The following USP47 variants were observed in gnomAD, a reference collection of about 807,000 sequenced individuals.
USP47 encodes ubiquitin specific peptidase 47, also known as ubiquitin carboxyl-terminal hydrolase 47.
USP47 carries 35 observed loss-of-function variants against 165.1 expected under a neutral mutation model. The ratio of observed to expected loss-of-function variants is 0.21; its 90% confidence interval spans 0.16 to 0.28. USP47 has a LOEUF of 0.28. Ranked by LOEUF, USP47 falls within the 10% of genes least tolerant of loss-of-function variation. The probability of loss-of-function intolerance (pLI) is 1.00; values close to 1 mark genes in which losing one functional copy is unlikely to be tolerated. For missense variants in USP47, 1,277 were observed against 1,607.4 expected, an observed-to-expected ratio of 0.79 and a Z score of 3.52; for synonymous variants, 531 against 544.5, an observed-to-expected ratio of 0.98 and a Z score of 0.35.
At chr11:11,950,571 C>T (rs1319932530) in intron 24 of USP47, 89 bp downstream of exon 24, 30 of 891,216 alleles carry the variant, frequency 3.4e-5, no homozygotes, top group East Asian at 5.0e-5. Context: ...TAATGAGTTA[C>T]GAGGAATCTA....
chr11:11,946,133 T>C (rs1855822516), intron 20 of USP47, among the ~76,000 whole-genome samples: 2 of 152,284 alleles, frequency 1.3e-5, no homozygotes, highest in South Asian at 4.1e-4. Flanking sequence ...GCCAATAAAT[T>C]AACACTCTTT....
chr11:11,842,294 G>C (rs918137547), intron 1 of USP47, 70 bp downstream of exon 1: 2 of 1,510,796 alleles, frequency 1.3e-6, no homozygotes, highest in Admixed American at 2.1e-5. Flanking sequence ...CCGGGCCGGG[G>C]TTCGGCTGCG....
intron 19 of USP47, 84 bp from the exon 20 acceptor site, chr11:11,942,251 G>A (rs1855526514): frequency 1.4e-6 from 2 of 1,381,768 alleles, no homozygotes; most frequent in Non-Finnish European, 2.0e-6. Flanking sequence ...TGTGTATTGT[G>A]TTGTATTGAT....
At chr11:11,938,579 T>C (rs1005500512) in intron 18 of USP47, among the ~76,000 whole-genome samples, 12 of 152,080 alleles carry the variant, frequency 7.9e-5, no homozygotes, top group African/African-American at 2.7e-4. Context: ...ACAACTTATA[T>C]GTGTTGGCTG....
chr11:11,929,295 A>T, intron 11 of USP47, 139 bp from the exon 12 acceptor site: 2 of 1,207,236 alleles, frequency 1.7e-6, no homozygotes, highest in Non-Finnish European at 2.2e-6. Flanking sequence ...TTTTTGTTTT[A>T]CCTTAGGGGA....
At chr11:11,930,204 C>G in intron 13 of USP47, 84 bp downstream of exon 13, 1 of 1,302,912 alleles carries the variant, frequency 7.7e-7, no homozygotes, top group East Asian at 2.4e-5. Context: ...AAGATTTAAC[C>G]AAGGGATTGA....
At chr11:11,937,986 G>A (rs1274762688) in intron 17 of USP47, among the ~76,000 whole-genome samples, 12 of 151,878 alleles carry the variant, frequency 7.9e-5, no homozygotes, top group Admixed American at 7.9e-4. Flanking sequence ...ATTTTCCTTG[G>A]GATATAGGAA....
intron 20 of USP47, among the ~76,000 whole-genome samples, chr11:11,946,911 A>G (rs990296359): frequency 6.6e-6 from 1 of 152,190 alleles, no homozygotes; most frequent in African/African-American, 2.4e-5. Flanking sequence ...TTTATTTGAC[A>G]AGTCATCTGA....
At chr11:11,891,700 A>G (rs1228826123) in intron 3 of USP47, among the ~76,000 whole-genome samples, 5 of 152,234 alleles carry the variant, frequency 3.3e-5, no homozygotes, top group Non-Finnish European at 5.9e-5. Flanking sequence ...TGCTAGGCCT[A>G]CGTGGCCAGG....
At chr11:11,881,008 T>C (rs909462922) in intron 2 of USP47, among the ~76,000 whole-genome samples, 1 of 152,156 alleles carries the variant, frequency 6.6e-6, no homozygotes, top group African/African-American at 2.4e-5. Flanking sequence ...ATTTTAGTCG[T>C]CTGTTAACTG....
chr11:11,897,487 G>C (rs991024321), intron 4 of USP47, 110 bp from the exon 5 acceptor site: 3 of 758,222 alleles, frequency 4.0e-6, no homozygotes, highest in Non-Finnish European at 6.3e-6. Flanking sequence ...ATTTCCAAAT[G>C]AGTAGTAACT....
chr11:11,915,514 G>A (rs116336048), intron 8 of USP47, among the ~76,000 whole-genome samples: 241 of 152,196 alleles, frequency 1.6e-3, no homozygotes, highest in Middle Eastern at 0.014. Flanking sequence ...ACTAAAGCTG[G>A]GAAAATCTGA....
chr11:11,909,455 TTTG>T (rs1238732344), intron 8 of USP47, among the ~76,000 whole-genome samples: 1 of 152,168 alleles, frequency 6.6e-6, no homozygotes, highest in Admixed American at 6.5e-5. Context: ...TAACTTTTTG[TTTG>T]TTAATTATGA....
intron 1 of USP47, among the ~76,000 whole-genome samples, chr11:11,867,458 A>G (rs1849756559): frequency 6.6e-6 from 1 of 152,144 alleles, no homozygotes; most frequent in Non-Finnish European, 1.5e-5. Flanking sequence ...TCTCTTATAT[A>G]GAGTTCATTA....
chr11:11,956,398 G>A lies in USP47; in HGVS notation c.*223G>A. On this transcript the variant is annotated 3_prime_UTR_variant, in exon 28 of 28. Transcript: ENST00000527733. Reference sequence around the variant, plus strand: ...GTCAAATGTACTGTAAAGTGAAAAGGGATGTGCAAAAAAATAAAAAAAAAC... The same window carrying A: ...GTCAAATGTACTGTAAAGTGAAAAGAGATGTGCAAAAAAATAAAAAAAAAC... 1 of 377,584 alleles carries A rather than the reference G, an allele frequency of 2.6e-6. No homozygotes were observed. Among genetic ancestry groups the A allele is most frequent in the South Asian group, 1.1e-4 (1 of 8,910 alleles). The allele number at this position is 377,584 out of a possible 1,614,324, so 23.4% of individuals were successfully genotyped here. A position where few individuals can be genotyped will look rare whatever the true frequency, so the allele number is the denominator to read the frequency against.
At chr11:11,916,820 A>G (rs1853454174) in intron 8 of USP47, among the ~76,000 whole-genome samples, 1 of 152,150 alleles carries the variant, frequency 6.6e-6, no homozygotes, top group African/African-American at 2.4e-5. Context: ...AGGACCTGGA[A>G]TGATAAACTC....
chr11:11,900,273 G>A (rs1308818240), intron 5 of USP47, among the ~76,000 whole-genome samples: 1 of 144,984 alleles, frequency 6.9e-6, no homozygotes, highest in Non-Finnish European at 1.5e-5. Flanking sequence ...TCATTCTCCT[G>A]CCTCAGCCTC....
At chr11:11,868,269 A>C (rs1166285480) in intron 1 of USP47, among the ~76,000 whole-genome samples, 3 of 152,202 alleles carry the variant, frequency 2.0e-5, no homozygotes, top group Non-Finnish European at 2.9e-5. Context: ...TGTTGCCCTT[A>C]GTAACCACAC....
intron 11 of USP47, among the ~76,000 whole-genome samples, chr11:11,923,560 T>C (rs1394032174): frequency 1.3e-5 from 2 of 152,110 alleles, no homozygotes; most frequent in South Asian, 4.1e-4. Context: ...TTTCCACATA[T>C]ATTCTGTTTT....
Sources: allele counts gnomAD v4.1 joint callset (sites outside exome capture counted in the v4.1 genomes callset), GRCh38; gene constraint gnomAD v4.1.1; transcripts MANE v1.5; gene names NCBI Gene and HGNC (gene_info 2026-07-23, HGNC 2026-07-21).